Variants in USH2A observed in about 807,000 individuals in gnomAD.
USH2A encodes the protein usherin.
In USH2A, 443 loss-of-function variants were observed where a neutral mutation model predicts 538.9. That is an observed-to-expected ratio of 0.82 (90% confidence interval 0.76 to 0.89). USH2A has a LOEUF of 0.89. Among genes scored for constraint, USH2A ranks in the 40% least tolerant of loss-of-function variants. The pLI, the probability that USH2A is intolerant of heterozygous loss-of-function variation, is 0.00. For missense variants in USH2A, 6,633 were observed against 6,324.8 expected (o/e 1.05, Z -1.65); for synonymous variants, 2,413 against 2,273.5 (o/e 1.06, Z -1.75).
intron 9 of USH2A, among the ~76,000 whole-genome samples, chr1:216,320,709 A>G (rs1260100465): frequency 6.6e-6 from 1 of 152,178 alleles, no homozygotes; most frequent in African/African-American, 2.4e-5. Context: ...TATGTTTATT[A>G]AAGTTACAAT....
intron 37 of USH2A, among the ~76,000 whole-genome samples, chr1:215,935,625 C>T (rs932426217): frequency 2.6e-5 from 4 of 151,890 alleles, no homozygotes; most frequent in Admixed American, 2.0e-4. Context: ...ATCTCTCTCT[C>T]TTACACCATT....
intron 21 of USH2A, among the ~76,000 whole-genome samples, chr1:216,103,641 CT>C (rs2032647345): frequency 6.6e-6 from 1 of 151,970 alleles, no homozygotes; most frequent in Admixed American, 6.6e-5. Context: ...TTTTTTTAAT[CT>C]TTTATCAGAA....
intron 56 of USH2A, 60 bp downstream of exon 56, chr1:215,766,621 T>C: frequency 6.8e-7 from 1 of 1,461,838 alleles, no homozygotes; most frequent in South Asian, 1.1e-5. Flanking sequence ...GTTTACAGAT[T>C]CCACCTCAAA....
intron 5 of USH2A, 72 bp downstream of exon 5, chr1:216,327,519 A>T: frequency 2.0e-6 from 3 of 1,524,564 alleles, no homozygotes; most frequent in Non-Finnish European, 2.7e-6. Context: ...TAATCTACAT[A>T]GTATTCTTAT....
At chr1:216,405,954 T>C (rs1165080903) in intron 3 of USH2A, among the ~76,000 whole-genome samples, 2 of 152,216 alleles carry the variant, frequency 1.3e-5, no homozygotes, top group Admixed American at 6.5e-5. Context: ...TGTGATGTCA[T>C]GTATACAACA....
At chr1:215,909,015 T>C (rs947663140) in intron 38 of USH2A, among the ~76,000 whole-genome samples, 4 of 149,410 alleles carry the variant, frequency 2.7e-5, no homozygotes, top group Non-Finnish European at 1.5e-5. Flanking sequence ...AAGTATATCA[T>C]TAAATATATT....
At chr1:216,207,809 T>C (rs1211274213) in intron 15 of USH2A, among the ~76,000 whole-genome samples, 2 of 151,868 alleles carry the variant, frequency 1.3e-5, no homozygotes, top group East Asian at 1.9e-4. Flanking sequence ...CATTGAAACT[T>C]GAAATTTAAG....
chr1:216,406,979 T>G (rs60126913), intron 3 of USH2A, among the ~76,000 whole-genome samples: 2,868 of 152,228 alleles, frequency 0.019, 92 homozygotes, highest in African/African-American at 0.067. Flanking sequence ...ATGGGCTGAC[T>G]CTCCTTCTCA....
At chr1:216,085,301 T>C (rs1318535275) in intron 24 of USH2A, among the ~76,000 whole-genome samples, 1 of 152,178 alleles carries the variant, frequency 6.6e-6, no homozygotes, top group African/African-American at 2.4e-5. Flanking sequence ...AGTAAATCAA[T>C]AATTTGGCTT....
At chr1:215,870,104 T>C (rs954553237) in intron 43 of USH2A, among the ~76,000 whole-genome samples, 1 of 97,246 alleles carries the variant, frequency 1.0e-5, no homozygotes, top group Non-Finnish European at 2.0e-5. Context: ...TTTGCACAAC[T>C]AGTTAATGGG....
intron 38 of USH2A, among the ~76,000 whole-genome samples, chr1:215,914,869 G>T (rs1490311563): frequency 6.6e-6 from 1 of 152,138 alleles, no homozygotes; most frequent in South Asian, 2.1e-4. Flanking sequence ...CAAAGTTTTG[G>T]TAAAGAGTCT....
At chr1:216,163,797 C>A (rs1432793109) in intron 21 of USH2A, among the ~76,000 whole-genome samples, 1 of 150,752 alleles carries the variant, frequency 6.6e-6, no homozygotes, top group Non-Finnish European at 1.5e-5. Flanking sequence ...TTTTTTTTCC[C>A]TAAGACTATG....
intron 64 of USH2A, among the ~76,000 whole-genome samples, chr1:215,658,380 T>C (rs1460843707): frequency 6.6e-6 from 1 of 152,052 alleles, no homozygotes; most frequent in East Asian, 1.9e-4. Flanking sequence ...GTAAGTGTAT[T>C]CTATGTACTA....
chr1:216,413,023 A>G (rs908436424), intron 3 of USH2A, among the ~76,000 whole-genome samples: 2 of 152,206 alleles, frequency 1.3e-5, no homozygotes, highest in South Asian at 2.1e-4. Flanking sequence ...AGCAGCTATG[A>G]TAATTTGTAA....
chr1:216,404,409 A>G (rs2039357589), intron 3 of USH2A, among the ~76,000 whole-genome samples: 1 of 152,118 alleles, frequency 6.6e-6, no homozygotes, highest in Non-Finnish European at 1.5e-5. Flanking sequence ...AGCTCACAGT[A>G]CTCAAGAACA....
intron 12 of USH2A, among the ~76,000 whole-genome samples, chr1:216,250,084 C>T (rs908101970): frequency 2.0e-5 from 3 of 152,122 alleles, no homozygotes; most frequent in African/African-American, 7.2e-5. Flanking sequence ...ACTTTCCTCT[C>T]ATAATATTCT....
At position 215,782,729 on chromosome 1, in the gene USH2A, T is replaced by A. The variant is rs745712850; in HGVS notation, c.10585+9A>T. On this transcript the variant is annotated intron_variant, in intron 53 of 71. Transcript: ENST00000307340. Reference sequence around the variant, plus strand: ...TTTTGTTATTTGTATTTTAAAGGTATCTCAATACCATTTGATTGTATAGGT... The same window carrying A: ...TTTTGTTATTTGTATTTTAAAGGTAACTCAATACCATTTGATTGTATAGGT... The A allele has an allele frequency of 2.5e-6, 4 of 1,612,218 alleles. No homozygotes were observed. Among genetic ancestry groups the A allele is most frequent in the African/African-American group, 2.7e-5 (2 of 74,902 alleles).
At chr1:216,066,848 A>T (rs1431015804) in intron 30 of USH2A, among the ~76,000 whole-genome samples, 1 of 152,184 alleles carries the variant, frequency 6.6e-6, no homozygotes, top group Non-Finnish European at 1.5e-5. Context: ...ATCCAGAAGG[A>T]TGTGGAACTT....
intron 47 of USH2A, among the ~76,000 whole-genome samples, chr1:215,827,613 C>T (rs1043882326): frequency 6.6e-6 from 1 of 152,220 alleles, no homozygotes; most frequent in African/African-American, 2.4e-5. Flanking sequence ...TTCCTAAAAG[C>T]CATGGTGACC....
Sources: gnomAD v4.1 joint callset for allele counts (sites outside exome capture counted in the v4.1 genomes callset) on GRCh38, gnomAD v4.1.1 for gene constraint, MANE v1.5 for transcripts, NCBI Gene and HGNC (gene_info 2026-07-23, HGNC 2026-07-21) for gene names.